The following PPHLN1 variants were observed in gnomAD, a reference collection of about 807,000 sequenced individuals.
PPHLN1 encodes periphilin-1.
PPHLN1 carries 29 observed loss-of-function variants against 51.3 expected under a neutral mutation model. That is an observed-to-expected ratio of 0.57 (90% CI 0.42 to 0.77). The LOEUF (loss-of-function observed/expected upper bound fraction) is 0.77, where lower values mean the gene tolerates loss of function less well. Among genes scored for constraint, PPHLN1 ranks in the 30% least tolerant of loss-of-function variants. PPHLN1 has a pLI of 0.00. For synonymous variants in PPHLN1, 147 were observed against 147.8 expected (o/e 0.99, Z 0.04); for missense variants, 436 against 438.4 (o/e 0.99, Z 0.05).
chr12:42,403,704 G>A (rs1468964043), intron 9 of PPHLN1, among the ~76,000 whole-genome samples: 2 of 152,140 alleles, frequency 1.3e-5, no homozygotes, highest in Non-Finnish European at 2.9e-5. Context: ...AGTACCTTAA[G>A]GGATGAGGCC....
chr12:42,422,147 A>G (rs2081062967), intron 9 of PPHLN1, among the ~76,000 whole-genome samples: 2 of 152,226 alleles, frequency 1.3e-5, no homozygotes, highest in African/African-American at 4.8e-5. Context: ...ACAATAATTT[A>G]GCAGTTAATT....
intron 9 of PPHLN1, among the ~76,000 whole-genome samples, chr12:42,418,868 A>G (rs2080721680): frequency 6.6e-6 from 1 of 152,086 alleles, no homozygotes; most frequent in Non-Finnish European, 1.5e-5. Context: ...ACTTGTACTG[A>G]GCCTTCACTT....
chr12:42,384,046 A>G (rs925653398), intron 5 of PPHLN1, among the ~76,000 whole-genome samples: 1 of 149,464 alleles, frequency 6.7e-6, no homozygotes, highest in Non-Finnish European at 1.5e-5. Context: ...AGTGTACCTC[A>G]CATAAAAACA....
intron 9 of PPHLN1, among the ~76,000 whole-genome samples, chr12:42,409,917 A>G (rs966587145): frequency 2.0e-5 from 3 of 152,176 alleles, no homozygotes; most frequent in South Asian, 4.1e-4. Flanking sequence ...GTTTTATATT[A>G]TATCTCTGAC....
chr12:42,410,130 G>C (rs2079672812), intron 9 of PPHLN1, among the ~76,000 whole-genome samples: 1 of 151,418 alleles, frequency 6.6e-6, no homozygotes, highest in Non-Finnish European at 1.5e-5. Flanking sequence ...GAAACACTTA[G>C]GATTCTGTCA....
At chr12:42,370,072 C>T (rs1382882951) in intron 4 of PPHLN1, among the ~76,000 whole-genome samples, 1 of 152,234 alleles carries the variant, frequency 6.6e-6, no homozygotes. Context: ...CTCTGAATTT[C>T]TGCTTTCTGA....
chr12:42,444,323 G>A (rs2140036792), downstream of PPHLN1: 1 of 151,368 alleles, frequency 6.6e-6, no homozygotes, highest in East Asian at 1.9e-4. Context: ...ATAAATTACA[G>A]AACCTGTTTT....
chr12:42,393,719 C>CT (rs747609848), intron 8 of PPHLN1, 30 bp downstream of exon 8: 1 of 1,546,184 alleles, frequency 6.5e-7, no homozygotes, highest in Non-Finnish European at 8.7e-7. Flanking sequence ...TTATGTTTCA[C>CT]ATCTGAAAGT....
intron 8 of PPHLN1, 147 bp from the exon 9 acceptor site, chr12:42,398,707 C>T: frequency 3.3e-6 from 2 of 598,766 alleles, no homozygotes; most frequent in Non-Finnish European, 2.7e-6. Context: ...GCTCATTATG[C>T]ATAGTGAAAT....
intron 9 of PPHLN1, among the ~76,000 whole-genome samples, chr12:42,402,997 T>G (rs948434222): frequency 6.6e-6 from 1 of 152,228 alleles, no homozygotes; most frequent in Non-Finnish European, 1.5e-5. Context: ...ATTAGTGAAA[T>G]GTACAGTCTT....
At chr12:42,422,322 G>A (rs1046299690) in intron 9 of PPHLN1, among the ~76,000 whole-genome samples, 1 of 152,182 alleles carries the variant, frequency 6.6e-6, no homozygotes, top group African/African-American at 2.4e-5. Context: ...TGTGTATGAG[G>A]AGAAGAATGG....
At chr12:42,332,708 T>C in intron 1 of PPHLN1, 1 of 1,475,968 alleles carries the variant, frequency 6.8e-7, no homozygotes, top group South Asian at 1.2e-5. Flanking sequence ...CTCAAGTAAG[T>C]ATAGTATAGT....
chr12:42,387,855 CT>C (rs1434923592), intron 7 of PPHLN1, among the ~76,000 whole-genome samples: 2 of 152,192 alleles, frequency 1.3e-5, no homozygotes, highest in Non-Finnish European at 2.9e-5. Context: ...TTGCCCCAAC[CT>C]TGAGCTCACA....
At chr12:42,346,764 T>C (rs2072397501) in intron 2 of PPHLN1, among the ~76,000 whole-genome samples, 1 of 152,220 alleles carries the variant, frequency 6.6e-6, no homozygotes, top group Admixed American at 6.5e-5. Flanking sequence ...TGTAATCTCT[T>C]GTCTTTCTGA....
chr12:42,426,304 C>T (rs1199102254), intron 9 of PPHLN1, among the ~76,000 whole-genome samples: 2 of 151,642 alleles, frequency 1.3e-5, no homozygotes, highest in Non-Finnish European at 2.9e-5. Context: ...AAACCAGTTT[C>T]TTTACACTAC....
chr12:42,351,184 T>C (rs1030875279), intron 2 of PPHLN1, among the ~76,000 whole-genome samples: 1 of 152,202 alleles, frequency 6.6e-6, no homozygotes, highest in African/African-American at 2.4e-5. Flanking sequence ...TGTAGCTCTC[T>C]ACTTCTTTCT....
Position 42,368,527 on chromosome 12 carries a change from A to T in PPHLN1, c.300-6336A>T, listed in dbSNP as rs2075496776. The stretch of plus-strand genomic sequence containing the variant: ...ATGAAGCTCAGAGAGGTTAATTATA[A>T]TAAGGTCAAAAGGCCATATATAAGT... On this transcript the variant is annotated intron_variant, in intron 4 of 9. Transcript: ENST00000358314. Among the ~76,000 whole-genome samples the T allele has an allele frequency of 2.0e-5, 3 of 152,204 alleles. No individual in the cohort carries two copies. In the South Asian group the frequency reaches 6.2e-4, roughly 31 times the overall value.
chr12:42,357,942 G>C (rs1169218055), intron 4 of PPHLN1, among the ~76,000 whole-genome samples: 1 of 152,094 alleles, frequency 6.6e-6, no homozygotes, highest in Non-Finnish European at 1.5e-5. Flanking sequence ...ACATTATTTA[G>C]CTTCCACTTA....
intron 4 of PPHLN1, among the ~76,000 whole-genome samples, chr12:42,372,191 A>T (rs756785015): frequency 8.5e-5 from 13 of 152,234 alleles, no homozygotes; most frequent in Non-Finnish European, 1.6e-4. Context: ...AAGGATACTT[A>T]TGAAAATTGA....
Sources: gnomAD v4.1 joint callset for allele counts (sites outside exome capture counted in the v4.1 genomes callset) on GRCh38, gnomAD v4.1.1 for gene constraint, MANE v1.5 for transcripts, NCBI Gene and HGNC (gene_info 2026-07-23, HGNC 2026-07-21) for gene names.